AGMO: variants seen among roughly 807,000 people sequenced by gnomAD.
The protein encoded by AGMO is alkylglycerol monooxygenase.
AGMO carries 75 observed loss-of-function variants against 60.2 expected under a neutral mutation model. The observed-to-expected ratio is 1.25, with a 90% CI of 1.03 to 1.51. The LOEUF is 1.51. Among genes scored for constraint, AGMO ranks in the 40% most tolerant of loss-of-function variants. The pLI is 0.00. For missense variants in AGMO, 763 were observed against 525.5 expected (o/e 1.45, Z -4.42); for synonymous variants, 261 against 177.1 (o/e 1.47, Z -3.76).
At chr7:15,285,526 G>A (rs1309056147) in intron 12 of AGMO, among the ~76,000 whole-genome samples, 1 of 151,924 alleles carries the variant, frequency 6.6e-6, no homozygotes, top group Non-Finnish European at 1.5e-5. Flanking sequence ...GGAGGTGAAA[G>A]ATCTCTACAA....
At chr7:15,278,293 T>C (rs114060841) in intron 12 of AGMO, among the ~76,000 whole-genome samples, 5 of 152,080 alleles carry the variant, frequency 3.3e-5, no homozygotes, top group Admixed American at 1.3e-4. Flanking sequence ...CTGAGGTGGT[T>C]GTGCCAGCAG....
At chr7:15,152,385 A>G in the AGMO span, among the ~76,000 whole-genome samples, 1 of 152,126 alleles carries the variant, frequency 6.6e-6, no homozygotes, top group Non-Finnish European at 1.5e-5. Flanking sequence ...TTTGGGGAAC[A>G]AGTGATGTTT....
At chr7:15,447,290 T>C (rs1040777876) in intron 3 of AGMO, among the ~76,000 whole-genome samples, 10 of 152,174 alleles carry the variant, frequency 6.6e-5, no homozygotes, top group Non-Finnish European at 1.2e-4. Context: ...ATAATAGCAA[T>C]TGTCAGTATG....
At chr7:15,339,888 T>C in intron 12 of AGMO, among the ~76,000 whole-genome samples, 1 of 152,222 alleles carries the variant, frequency 6.6e-6, no homozygotes, top group East Asian at 1.9e-4. Context: ...AATTGCTATG[T>C]TCATTATTAA....
chr7:15,261,980 A>C (rs1783286356), intron 12 of AGMO, among the ~76,000 whole-genome samples: 1 of 152,114 alleles, frequency 6.6e-6, no homozygotes. Flanking sequence ...AAACCAGCAT[A>C]GAAGGGACAT....
chr7:15,311,284 T>G (rs1242591593), intron 12 of AGMO, among the ~76,000 whole-genome samples: 1 of 152,186 alleles, frequency 6.6e-6, no homozygotes, highest in Non-Finnish European at 1.5e-5. Flanking sequence ...ACTTTTTGGC[T>G]GAGGACATCT....
intron 5 of AGMO, among the ~76,000 whole-genome samples, chr7:15,397,546 C>T (rs1472663095): frequency 6.6e-6 from 1 of 152,210 alleles, no homozygotes; most frequent in African/African-American, 2.4e-5. Flanking sequence ...GCTGCTAGCA[C>T]GTTGTTACCT....
At position 15,285,105 on chromosome 7, in the gene AGMO, G is replaced by A. The variant is rs185672598; in HGVS notation, c.1263+80409C>T. Among the ~76,000 whole-genome samples the A allele has an allele frequency of 3.6e-3, 543 of 151,600 alleles. 1 individual carries two copies. Among genetic ancestry groups the A allele is most frequent in the Admixed American group, 7.9e-3 (121 of 15,232 alleles). On this transcript the variant is annotated intron_variant, in intron 12 of 12. Transcript: ENST00000342526. ...AAAATAATAAAAGCCATATATGATG[G>A]ATCCACAGTCAATGTCATACTGAAT...
At chr7:15,388,570 A>G (rs150665156) in intron 8 of AGMO, among the ~76,000 whole-genome samples, 2 of 152,336 alleles carry the variant, frequency 1.3e-5, no homozygotes, top group East Asian at 3.9e-4. Context: ...TAATGTTTTA[A>G]AATAAAATAT....
chr7:15,427,105 A>C (rs1375517997), intron 4 of AGMO, among the ~76,000 whole-genome samples: 1 of 152,208 alleles, frequency 6.6e-6, no homozygotes, highest in Non-Finnish European at 1.5e-5. Context: ...GATAATATCC[A>C]GTTAAAAGTA....
chr7:15,555,049 G>T (rs1022362271), intron 2 of AGMO, among the ~76,000 whole-genome samples: 1 of 151,848 alleles, frequency 6.6e-6, no homozygotes, highest in East Asian at 1.9e-4. Context: ...GTAGACTCAT[G>T]TAATACACTC....
At chr7:15,134,235 T>C in the AGMO span, among the ~76,000 whole-genome samples, 1 of 152,174 alleles carries the variant, frequency 6.6e-6, no homozygotes, top group Admixed American at 6.6e-5. Context: ...TGATTTTGGC[T>C]CACTGCAACC....
intron 3 of AGMO, among the ~76,000 whole-genome samples, chr7:15,482,058 A>T (rs1401582161): frequency 6.6e-6 from 1 of 152,046 alleles, no homozygotes; most frequent in East Asian, 1.9e-4. Context: ...TTTAACACAC[A>T]TATTAGTGGA....
intron 3 of AGMO, among the ~76,000 whole-genome samples, chr7:15,458,894 C>A (rs1023707309): frequency 1.3e-5 from 2 of 152,130 alleles, no homozygotes; most frequent in African/African-American, 2.4e-5. Context: ...TTATAATTAG[C>A]TTTCCAAAAC....
At chr7:15,190,464 G>C in the AGMO span, among the ~76,000 whole-genome samples, 3 of 151,902 alleles carry the variant, frequency 2.0e-5, no homozygotes, top group African/African-American at 7.2e-5. Flanking sequence ...AAAGAATAAG[G>C]GAGGTAGAAG....
the AGMO span, among the ~76,000 whole-genome samples, chr7:15,180,751 C>A: frequency 1.3e-5 from 2 of 152,300 alleles, no homozygotes; most frequent in Non-Finnish European, 2.9e-5. Context: ...AGCAGCCCTA[C>A]TTCTCAGTAT....
chr7:15,315,975 T>C (rs1191991036), intron 12 of AGMO, among the ~76,000 whole-genome samples: 1 of 152,100 alleles, frequency 6.6e-6, no homozygotes, highest in Non-Finnish European at 1.5e-5. Context: ...TTATAAATGA[T>C]GTTTTAAGAA....
intron 12 of AGMO, among the ~76,000 whole-genome samples, chr7:15,354,311 C>CACGCGTGTATATACGT (rs1554422464): frequency 3.5e-5 from 3 of 84,824 alleles, no homozygotes; most frequent in African/African-American, 1.2e-4. Context: ...TACGTGTATA[C>CACGCGTGTATATACGT]ACGCGTGTAT....
intron 10 of AGMO, among the ~76,000 whole-genome samples, chr7:15,368,424 G>A (rs1783068704): frequency 6.6e-6 from 1 of 152,102 alleles, no homozygotes; most frequent in African/African-American, 2.4e-5. Flanking sequence ...AGGGAGAAAT[G>A]ATTTGTGTCA....
Sources: gnomAD v4.1 joint callset for allele counts (sites outside exome capture counted in the v4.1 genomes callset) on GRCh38, gnomAD v4.1.1 for gene constraint, MANE v1.5 for transcripts, NCBI Gene and HGNC (gene_info 2026-07-23, HGNC 2026-07-21) for gene names.